Variants in CADM2 observed in about 807,000 individuals in gnomAD.
CADM2 encodes immunoglobulin superfamily member 4D.
CADM2 carries 12 observed loss-of-function variants against 49.8 expected under a neutral mutation model. The observed-to-expected ratio is 0.24, with a 90% confidence interval of 0.15 to 0.39. CADM2 has a LOEUF of 0.39. Among genes scored for constraint, CADM2 ranks in the 10% least tolerant of loss-of-function variants. CADM2 has a pLI of 1.00. For missense variants in CADM2, 378 were observed against 492.3 expected, an observed-to-expected ratio of 0.77 and a Z score of 2.20; for synonymous variants, 214 against 175.4, an observed-to-expected ratio of 1.22 and a Z score of -1.74.
chr3:85,968,505 T>C (rs1040545209), intron 8 of CADM2, among the ~76,000 whole-genome samples: 5 of 151,688 alleles, frequency 3.3e-5, no homozygotes, highest in Non-Finnish European at 5.9e-5. Context: ...TATTTCTATG[T>C]GCTAGATGAA....
chr3:85,024,003 T>C (rs1290257274), intron 1 of CADM2, among the ~76,000 whole-genome samples: 1 of 152,086 alleles, frequency 6.6e-6, no homozygotes, highest in Non-Finnish European at 1.5e-5. Context: ...AACAAACTTA[T>C]CTTTCTTAGA....
intron 1 of CADM2, among the ~76,000 whole-genome samples, chr3:85,126,958 AT>A (rs1338323431): frequency 6.6e-6 from 1 of 152,122 alleles, no homozygotes; most frequent in Non-Finnish European, 1.5e-5. Context: ...ATGTGCATGC[AT>A]TGCCTGTTAT....
rs958340602 is a variant in CADM2 at position 85,232,358 on chromosome 3, C to A, written c.61+272690C>A. Among the ~76,000 whole-genome samples, 3 of 151,928 alleles carry A rather than the reference C, an allele frequency of 2.0e-5. No individual in the cohort carries two copies. The East Asian group carries it at 5.8e-4, about 29-fold the overall frequency. ...GGACTTTACATGGAAGATTATATAT[C>A]TCATACAAATATACATACCTCTTTA... On this transcript the variant is annotated intron_variant, in intron 1 of 9. Coordinates refer to ENST00000383699, the MANE Select transcript of CADM2 (RefSeq NM_001167675.2).
At chr3:86,053,256 C>T (rs1218371901) in intron 8 of CADM2, among the ~76,000 whole-genome samples, 2 of 152,122 alleles carry the variant, frequency 1.3e-5, no homozygotes, top group African/African-American at 2.4e-5. Context: ...CTATCAATTA[C>T]ATTAAGAGAC....
intron 1 of CADM2, among the ~76,000 whole-genome samples, chr3:85,215,357 TTAAAAAA>T (rs1220938081): frequency 8.7e-5 from 10 of 114,380 alleles, no homozygotes; most frequent in African/African-American, 2.1e-4. Context: ...TCTCTCTTTT[TTAAAAAA>T]AAAAAAAAAA....
chr3:85,967,127 T>TA (rs1725576356), intron 8 of CADM2, among the ~76,000 whole-genome samples: 1 of 151,640 alleles, frequency 6.6e-6, no homozygotes, highest in African/African-American at 2.4e-5. Context: ...ATCGTACACA[T>TA]AGATATTATA....
intron 1 of CADM2, among the ~76,000 whole-genome samples, chr3:85,070,941 A>T (rs994003291): frequency 6.6e-6 from 1 of 151,878 alleles, no homozygotes; most frequent in Non-Finnish European, 1.5e-5. Flanking sequence ...GTGAGCCGAG[A>T]TCGCGCCACC....
At chr3:85,553,560 A>T (rs555203267) in intron 1 of CADM2, among the ~76,000 whole-genome samples, 5 of 152,332 alleles carry the variant, frequency 3.3e-5, no homozygotes, top group East Asian at 1.9e-4. Flanking sequence ...AAATACATTT[A>T]AAAAAACTTC....
chr3:85,672,983 G>A (rs1012791875), intron 1 of CADM2, among the ~76,000 whole-genome samples: 1 of 152,154 alleles, frequency 6.6e-6, no homozygotes, highest in Non-Finnish European at 1.5e-5. Context: ...AAATAGAAGA[G>A]CTGTGTTAAT....
intron 2 of CADM2, among the ~76,000 whole-genome samples, chr3:85,768,193 T>A (rs1009850031): frequency 6.6e-6 from 1 of 152,078 alleles, no homozygotes; most frequent in Admixed American, 6.6e-5. Context: ...ACGCCTGTAA[T>A]CCCAGCACTT....
chr3:85,144,229 G>T (rs2039661358), intron 1 of CADM2, among the ~76,000 whole-genome samples: 1 of 128,674 alleles, frequency 7.8e-6, no homozygotes, highest in African/African-American at 3.0e-5. Flanking sequence ...ACCATCTAAA[G>T]TATTTTGTTA....
chr3:85,058,346 T>C (rs1339151045), intron 1 of CADM2, among the ~76,000 whole-genome samples: 3 of 152,222 alleles, frequency 2.0e-5, no homozygotes, highest in East Asian at 3.8e-4. Context: ...TATGTGTATA[T>C]ATATATCTAC....
At chr3:85,662,927 G>A (rs2065453608) in intron 1 of CADM2, among the ~76,000 whole-genome samples, 1 of 152,008 alleles carries the variant, frequency 6.6e-6, no homozygotes, top group East Asian at 1.9e-4. Flanking sequence ...AATTTTAATA[G>A]TTGCCTAGTT....
chr3:85,137,367 T>A (rs2039449137), intron 1 of CADM2, among the ~76,000 whole-genome samples: 1 of 151,964 alleles, frequency 6.6e-6, no homozygotes, highest in African/African-American at 2.4e-5. Context: ...CCGTGGTGGT[T>A]TAGCAGAATG....
At chr3:85,265,786 A>G (rs1288685186) in intron 1 of CADM2, among the ~76,000 whole-genome samples, 1 of 152,066 alleles carries the variant, frequency 6.6e-6, no homozygotes, top group Non-Finnish European at 1.5e-5. Flanking sequence ...ATAGTGTAAT[A>G]TGTAGAACAC....
chr3:85,461,740 A>G (rs140263366), intron 1 of CADM2, among the ~76,000 whole-genome samples: 140 of 152,256 alleles, frequency 9.2e-4, no homozygotes, highest in African/African-American at 3.2e-3. Flanking sequence ...CTAGATCACA[A>G]ATTTTGCACA....
intron 1 of CADM2, among the ~76,000 whole-genome samples, chr3:85,135,959 A>C (rs970165096): frequency 1.3e-5 from 2 of 152,036 alleles, no homozygotes; most frequent in African/African-American, 4.8e-5. Flanking sequence ...TAGAGACCCT[A>C]GAGATTTATA....
chr3:86,072,009 T>C lies in CADM2; in HGVS notation c.*5226T>C, dbSNP rs1465496223. On this transcript the variant is annotated 3_prime_UTR_variant, in exon 10 of 10. Transcript: ENST00000383699. ...CTGCACGAGACAAATTTAAGTATTT[T>C]AAAAATCATCCTTATTAATAAATAA... 5 of 72,722 alleles carry C rather than the reference T, an allele frequency of 6.9e-5. No homozygotes were observed. The Admixed American group carries it at 6.9e-4, about 10-fold the overall frequency. 4.5% of individuals were successfully genotyped at this position (72,722 alleles called of 1,614,324 possible). A position where few individuals can be genotyped will look rare whatever the true frequency, so the allele number is the denominator to read the frequency against.
At chr3:85,101,091 T>C (rs757522036) in intron 1 of CADM2, among the ~76,000 whole-genome samples, 2 of 152,010 alleles carry the variant, frequency 1.3e-5, no homozygotes, top group Non-Finnish European at 2.9e-5. Context: ...CTATCTCTAC[T>C]AAAAATAGAA....
Sources: gnomAD v4.1 joint callset for allele counts (sites outside exome capture counted in the v4.1 genomes callset) on GRCh38, gnomAD v4.1.1 for gene constraint, MANE v1.5 for transcripts, NCBI Gene and HGNC (gene_info 2026-07-23, HGNC 2026-07-21) for gene names.